TMEM116: variants seen among roughly 807,000 people sequenced by gnomAD.
TMEM116 encodes the protein transmembrane protein 116.
A neutral mutation model predicts 44.3 loss-of-function variants in TMEM116; 38 were observed. The ratio of observed to expected loss-of-function variants is 0.86; its 90% confidence interval spans 0.66 to 1.12. The LOEUF (loss-of-function observed/expected upper bound fraction) is 1.12, where lower values mean the gene tolerates loss of function less well. Among genes scored for constraint, TMEM116 ranks in the 50% most tolerant of loss-of-function variants. The probability of loss-of-function intolerance (pLI) is 0.00; values close to 1 mark genes in which losing one functional copy is unlikely to be tolerated. For synonymous variants in TMEM116, 132 were observed against 144.8 expected (o/e 0.91, Z 0.64); for missense variants, 354 against 401.7 (o/e 0.88, Z 1.01).
intron 4 of TMEM116, among the ~76,000 whole-genome samples, chr12:111,963,756 G>A (rs957028888): frequency 1.3e-5 from 2 of 152,080 alleles, no homozygotes; most frequent in African/African-American, 4.8e-5. Context: ...CATGGCACAT[G>A]TATACCTATG....
At chr12:111,977,946 A>G (rs180919979) in intron 4 of TMEM116, among the ~76,000 whole-genome samples, 39 of 152,126 alleles carry the variant, frequency 2.6e-4, no homozygotes, top group Non-Finnish European at 4.4e-4. Context: ...AGACAGAATA[A>G]TTTTTAAAAT....
At chr12:111,990,448 T>C (rs1490933072) in intron 4 of TMEM116, among the ~76,000 whole-genome samples, 1 of 152,148 alleles carries the variant, frequency 6.6e-6, no homozygotes. Context: ...GAATAAACAA[T>C]ACAGCCTTAA....
At chr12:111,971,024 A>C (rs1267339335) in intron 4 of TMEM116, among the ~76,000 whole-genome samples, 1 of 152,242 alleles carries the variant, frequency 6.6e-6, no homozygotes, top group East Asian at 1.9e-4. Flanking sequence ...AAGTGCAGTA[A>C]CATGTTTAAA....
rs527612090 is a variant in TMEM116, at chr12:112,013,153, C to A, written c.-185G>T. 4.3e-5 allele frequency: 15 copies of A among 346,480 alleles called. No individual in the cohort carries two copies. Among genetic ancestry groups the A allele is most frequent in the African/African-American group, 3.0e-4 (14 of 47,360 alleles). The allele number at this position is 346,480 out of a possible 1,614,324, so 21.5% of individuals were successfully genotyped here. ...ACTTGGCGCTTCTCCTCAAGCGGAG[C>A]AGGAACGGAACTGGGCGGACCCGCC... On this transcript the variant is annotated 5_prime_UTR_variant, in exon 1 of 11. Coordinates refer to ENST00000552374, the MANE Select transcript of TMEM116 (RefSeq NM_001193531.2).
intron 3 of TMEM116, chr12:111,993,742 G>C (rs2076761519): frequency 1.5e-6 from 1 of 680,014 alleles, no homozygotes; most frequent in African/African-American, 1.8e-5. Flanking sequence ...GCCCTGTGGT[G>C]AATGTTCAAA....
intron 3 of TMEM116, among the ~76,000 whole-genome samples, chr12:111,994,705 C>G (rs748957989): frequency 7.2e-5 from 11 of 152,104 alleles, no homozygotes; most frequent in Admixed American, 7.2e-4. Flanking sequence ...ACAGTCTATC[C>G]ATAACCTATG....
chr12:111,986,436 C>G (rs535130346), intron 4 of TMEM116, among the ~76,000 whole-genome samples: 26 of 152,206 alleles, frequency 1.7e-4, no homozygotes, highest in African/African-American at 6.3e-4. Context: ...GAATTAAAAG[C>G]CCAGAAATAA....
chr12:111,983,834 C>T (rs1593528615), intron 4 of TMEM116, among the ~76,000 whole-genome samples: 1 of 152,036 alleles, frequency 6.6e-6, no homozygotes, highest in Non-Finnish European at 1.5e-5. Context: ...TCTATGAGGC[C>T]AGCAAAACCC....
At chr12:112,012,261 C>CT (rs894137613) in intron 1 of TMEM116, 4 of 152,202 alleles carry the variant, frequency 2.6e-5, no homozygotes, top group Admixed American at 2.6e-4. Context: ...GGCTGAATCT[C>CT]TGTCTCTTTA....
At chr12:111,996,675 C>A (rs186967915) in intron 3 of TMEM116, among the ~76,000 whole-genome samples, 26 of 152,210 alleles carry the variant, frequency 1.7e-4, no homozygotes, top group Non-Finnish European at 2.1e-4. Flanking sequence ...TAAGCTTATG[C>A]ATTTGCGCAC....
chr12:111,951,218 G>C (rs1262807483), intron 4 of TMEM116, among the ~76,000 whole-genome samples: 1 of 152,250 alleles, frequency 6.6e-6, no homozygotes, highest in Non-Finnish European at 1.5e-5. Context: ...ACTGTTGGTA[G>C]GAGTGTAAAT....
chr12:112,011,813 C>G (rs2077852078), intron 1 of TMEM116: 1 of 152,310 alleles, frequency 6.6e-6, no homozygotes, highest in African/African-American at 2.4e-5. Context: ...ATCCTGCTGC[C>G]TCAGCCTCCC....
Position 111,931,347 on chromosome 12 carries a change from C to CA in TMEM116, c.*273dup, listed in dbSNP as rs1482429968. 1 of 432,114 alleles carries CA rather than the reference C, an allele frequency of 2.3e-6. No homozygotes were observed. The highest frequency in any genetic ancestry group is 4.1e-6 in the Non-Finnish European group (1 of 242,050). 26.8% of individuals were successfully genotyped at this position (432,114 alleles called of 1,614,324 possible). A position where few individuals can be genotyped will look rare whatever the true frequency, so the allele number is the denominator to read the frequency against. On this transcript the variant is annotated 3_prime_UTR_variant, in exon 11 of 11. Coordinates refer to ENST00000552374, the MANE Select transcript of TMEM116 (RefSeq NM_001193531.2). ...TTTCTAGAAGAGACTTAGACAAATC[C>CA]AATATCCATCAAGGTAACACGAGTC...
intron 4 of TMEM116, among the ~76,000 whole-genome samples, chr12:111,960,201 C>A (rs2074472522): frequency 6.6e-6 from 1 of 152,082 alleles, no homozygotes; most frequent in African/African-American, 2.4e-5. Flanking sequence ...GAAACTCACT[C>A]AGAATCGGCC....
chr12:111,946,226 C>T (rs1166765418), intron 4 of TMEM116, among the ~76,000 whole-genome samples: 1 of 152,176 alleles, frequency 6.6e-6, no homozygotes, highest in Non-Finnish European at 1.5e-5. Context: ...CCAGCTTGGT[C>T]ATGGAGACCC....
At chr12:112,003,717 C>T in intron 3 of TMEM116, 83 bp downstream of exon 3, 2 of 1,458,622 alleles carry the variant, frequency 1.4e-6, no homozygotes, top group Non-Finnish European at 1.8e-6. Context: ...AATTATTTCA[C>T]CACTTACAGG....
intron 8 of TMEM116, chr12:111,936,144 T>C (rs2072146057): frequency 6.6e-6 from 1 of 152,182 alleles, no homozygotes; most frequent in African/African-American, 2.4e-5. Flanking sequence ...TTTACTGCTT[T>C]TGTATGAGGC....
chr12:111,964,844 T>C (rs1246549526), intron 4 of TMEM116, among the ~76,000 whole-genome samples: 2 of 149,730 alleles, frequency 1.3e-5, no homozygotes, highest in African/African-American at 2.5e-5. Flanking sequence ...CGCACCACCA[T>C]GCCCAGCTAA....
intron 4 of TMEM116, among the ~76,000 whole-genome samples, chr12:111,969,871 C>T (rs373729492): frequency 1.1e-4 from 17 of 152,212 alleles, no homozygotes; most frequent in East Asian, 5.8e-4. Context: ...TGAGCCACTG[C>T]GCCTGGCCTG....
Sources: gnomAD v4.1 joint callset for allele counts (sites outside exome capture counted in the v4.1 genomes callset) on GRCh38, gnomAD v4.1.1 for gene constraint, MANE v1.5 for transcripts, NCBI Gene and HGNC (gene_info 2026-07-23, HGNC 2026-07-21) for gene names.